ZNF814: variants seen among roughly 807,000 people sequenced by gnomAD.
ZNF814 encodes zinc finger protein 814.
Under a neutral mutation model 7.5 loss-of-function variants are expected in ZNF814, and 5 were observed. The observed-to-expected ratio is 0.67, with a 90% CI of 0.35 to 1.40. ZNF814 has a LOEUF of 1.40. ZNF814 is among the 40% of genes most tolerant of loss of function. The pLI, the probability that ZNF814 is intolerant of heterozygous loss-of-function variation, is 0.04. For missense variants in ZNF814, 962 were observed against 1,018.0 expected (o/e 0.94, Z 0.75); for synonymous variants, 315 against 340.7 (o/e 0.92, Z 0.83).
chr19:57,889,189 G>A (rs1488095977), upstream of ZNF814: 1 of 397,790 alleles, frequency 2.5e-6, no homozygotes, highest in Non-Finnish European at 4.4e-6. Context: ...GAGGGTAAAG[G>A]GCGCAATTCC....
chr19:57,900,833 G>T, the ZNF814 span, among the ~76,000 whole-genome samples: 115 of 89,180 alleles, frequency 1.3e-3, no homozygotes, highest in African/African-American at 3.4e-3. Flanking sequence ...GCAAAGCCAT[G>T]GCTGCATTTT....
chr19:57,904,029 C>T, the ZNF814 span, among the ~76,000 whole-genome samples: 1 of 152,172 alleles, frequency 6.6e-6, no homozygotes. Context: ...GGGTATGAAA[C>T]CCCTTGTGGC....
the ZNF814 span, among the ~76,000 whole-genome samples, chr19:57,896,433 T>A: frequency 6.6e-6 from 1 of 152,200 alleles, no homozygotes; most frequent in Non-Finnish European, 1.5e-5. This position sits in a 1 kb window ranked among gnomAD's most constrained non-coding sequence, Gnocchi z 4.2. Context: ...ACCCATCAGC[T>A]CCACCTGCTG....
chr19:57,874,701 C>A lies in ZNF814; in HGVS notation c.689G>T (p.Ser230Ile), dbSNP rs764128460. The A allele has an allele frequency of 4.9e-5, 78 of 1,579,428 alleles. 1 individual carries two copies. In the South Asian group the frequency reaches 8.3e-4, roughly 17 times the overall value. The change falls in exon 3 of 3, where the codon AGT becomes ATT. Residue 230 changes from serine to isoleucine, a missense_variant. Around this residue, in one of 7 missense-constraint regions of ZNF814, gnomAD observed 126 missense variants for 123.5 expected, o/e 1.02. Coordinates refer to ENST00000435989, the MANE Select transcript of ZNF814 (RefSeq NM_001144989.2). Reference sequence around the variant, plus strand: ...TCTAGTGAGCAGTCTCTGGTGCTGACTGAGTATATGTTTGGTGCTAAAATG... The same window carrying A: ...TCTAGTGAGCAGTCTCTGGTGCTGAATGAGTATATGTTTGGTGCTAAAATG... Reference protein sequence around the residue: ...MKHFSTKHILSQHQRLLTREE... With the variant: ...MKHFSTKHILIQHQRLLTREE...
the ZNF814 span, among the ~76,000 whole-genome samples, chr19:57,901,282 A>G: frequency 5.9e-5 from 9 of 152,212 alleles, no homozygotes; most frequent in African/African-American, 2.2e-4. Flanking sequence ...CAGGTATATA[A>G]AACCCTACAT....
In ZNF814 at chr19:57,873,232, C is replaced by A; in HGVS notation, c.2158G>T (p.Ala720Ser). The change falls in exon 3 of 3, where the codon GCT becomes TCT. Residue 720 changes from alanine to serine, a missense_variant. Physicochemically the swap from Ala to Ser is moderately conservative, Grantham distance 99 (BLOSUM62 1). Transcript: ENST00000435989. Reference sequence around the variant, plus strand: ...TTGTTTCTAAAAAATTTCTGACAAGCTTCACAAGCATATGGCTTTTCTCCA... The same window carrying A: ...TTGTTTCTAAAAAATTTCTGACAAGATTCACAAGCATATGGCTTTTCTCCA... ...HNGEKPYACEACQKFFRNKYQ... is the reference protein window; with the variant it reads ...HNGEKPYACESCQKFFRNKYQ... The A allele has an allele frequency of 6.2e-7, 1 of 1,608,860 alleles. No homozygotes were observed. Among genetic ancestry groups the A allele is most frequent in the Non-Finnish European group, 8.5e-7 (1 of 1,177,566 alleles).
At position 57,877,011 on chromosome 19, in the gene ZNF814, T is replaced by C. The variant is rs1218074788; in HGVS notation, c.68A>G (p.Asn23Ser). Residue 23 changes from asparagine (N) to serine (S), a missense_variant, in exon 2 of 3, where the codon AAC becomes AGC. Transcript: ENST00000435989. ...GAGATTCCATTCCTCCCAGGTAAAGTTCACAGCCACATCTTCAAAAGTCAC... is the reference window on the plus strand; with the variant it reads ...GAGATTCCATTCCTCCCAGGTAAAGCTCACAGCCACATCTTCAAAAGTCAC... ...GTVTFEDVAV[N>S]FTWEEWNLLS... 2 of 1,613,964 alleles carry C rather than the reference T, an allele frequency of 1.2e-6. No individual in the cohort carries two copies. The highest frequency in any genetic ancestry group is 1.7e-6 in the Non-Finnish European group (2 of 1,179,998).
chr19:57,875,751 C>G (rs1263827073), intron 2 of ZNF814, among the ~76,000 whole-genome samples: 1 of 151,948 alleles, frequency 6.6e-6, no homozygotes, highest in Non-Finnish European at 1.5e-5. Context: ...AGTTCATGTA[C>G]AAGTGGGTCA....
chr19:57,889,566 A>G (rs1179672257), upstream of ZNF814, among the ~76,000 whole-genome samples: 4 of 151,796 alleles, frequency 2.6e-5, no homozygotes, highest in East Asian at 7.8e-4. Context: ...CCTCTTATCT[A>G]AAAAATAAAA....
chr19:57,880,173 A>G (rs557692195), intron 1 of ZNF814, among the ~76,000 whole-genome samples: 1 of 128,878 alleles, frequency 7.8e-6, no homozygotes, highest in East Asian at 2.5e-4. Context: ...CGACCGCATT[A>G]GAAAATCTAG....
rs2071538173 is a variant in ZNF814 at position 57,869,527 on chromosome 19, T to A, written c.*3295A>T. 6.6e-6 allele frequency: 1 copy of A among 152,134 alleles called. No individual in the cohort carries two copies. The highest frequency in any genetic ancestry group is 2.4e-5 in the African/African-American group (1 of 41,442). 9.4% of individuals were successfully genotyped at this position (152,134 alleles called of 1,614,324 possible). A position where few individuals can be genotyped will look rare whatever the true frequency, so the allele number is the denominator to read the frequency against. On this transcript the variant is annotated 3_prime_UTR_variant, in exon 3 of 3. Transcript: ENST00000435989. ...AGGTTCCAAGTAAATATAAAGGTGT[T>A]AAGTTCATTATTGTGACTATGTTAA... is the stretch of plus-strand genomic sequence containing the variant.
chr19:57,901,049 C>T, the ZNF814 span, among the ~76,000 whole-genome samples: 13 of 147,062 alleles, frequency 8.8e-5, no homozygotes, highest in Admixed American at 2.7e-4. Context: ...GGGGTTTCAC[C>T]GTGGTCTTGA....
rs778349968 is a variant in ZNF814, at chr19:57,874,007, T to G, written c.1383A>C (p.Glu461Asp). 1.2e-6 allele frequency: 2 copies of G among 1,613,802 alleles called. No individual in the cohort carries two copies. Among genetic ancestry groups the G allele is most frequent in the South Asian group, 1.1e-5 (1 of 91,024 alleles). ...LRSHQRVHAG[E>D]RPFKCGECVK... ...CACATTCTCCACACTTGAAAGGTCT[T>G]TCTCCGGCGTGAACTCGTTGATGGC... The change falls in exon 3 of 3, where the codon GAA becomes GAC. Residue 461 changes from glutamate to aspartate, a missense_variant. Transcript: ENST00000435989.
chr19:57,895,733 G>A, the ZNF814 span, among the ~76,000 whole-genome samples: 927 of 152,174 alleles, frequency 6.1e-3, 11 homozygotes, highest in Middle Eastern at 0.024. Flanking sequence ...TATTTCCTTT[G>A]GGCCGGTGGG....
At chr19:57,894,470 CA>C in the ZNF814 span, among the ~76,000 whole-genome samples, 1 of 151,930 alleles carries the variant, frequency 6.6e-6, no homozygotes. Flanking sequence ...AACAAAACAG[CA>C]AGGAGAAAAG....
chr19:57,883,901 C>A (rs2071668667), intron 1 of ZNF814, among the ~76,000 whole-genome samples: 1 of 151,928 alleles, frequency 6.6e-6, no homozygotes, highest in African/African-American at 2.4e-5. Context: ...TGATTACAGG[C>A]ATGTACCACC....
rs757544060 is a variant in ZNF814, at chr19:57,870,037, G to C, written c.*2785C>G. ...AGGCGGATCACGAGGTCAGGAGATC[G>C]AGACCATCCTAGTTAACATGGTGAA... On this transcript the variant is annotated 3_prime_UTR_variant, in exon 3 of 3. Coordinates refer to ENST00000435989, the MANE Select transcript of ZNF814 (RefSeq NM_001144989.2). 1 of 151,810 alleles carries C rather than the reference G, an allele frequency of 6.6e-6. No individual in the cohort carries two copies. The highest frequency in any genetic ancestry group is 2.4e-5 in the African/African-American group (1 of 41,372). 9.4% of individuals were successfully genotyped at this position (151,810 alleles called of 1,614,324 possible).
the ZNF814 span, among the ~76,000 whole-genome samples, chr19:57,895,270 CTTTT>C: frequency 2.0e-5 from 3 of 150,860 alleles, no homozygotes; most frequent in Non-Finnish European, 3.0e-5. Flanking sequence ...CTTTTCTTTT[CTTTT>C]CTTTCTTTTT....
At chr19:57,887,626 C>G (rs1427874512) in intron 1 of ZNF814, among the ~76,000 whole-genome samples, 2 of 152,192 alleles carry the variant, frequency 1.3e-5, no homozygotes, top group Non-Finnish European at 2.9e-5. Context: ...GAAAGCCAGA[C>G]GAGCTCCACC....
Sources: gnomAD v4.1 joint callset for allele counts (sites outside exome capture counted in the v4.1 genomes callset) on GRCh38, gnomAD v4.1.1 for gene constraint, gnomAD v4.1.1 regional missense constraint, Gnocchi (gnomAD v3.1) non-coding constraint, MANE v1.5 for transcripts, NCBI Gene and HGNC (gene_info 2026-07-23, HGNC 2026-07-21) for gene names.